TESC: variants seen among roughly 807,000 people sequenced by gnomAD.
TESC encodes calcineurin B homologous protein 3.
In TESC, 19 loss-of-function variants were observed where a neutral mutation model predicts 31.0. That is an observed-to-expected ratio of 0.61 (90% CI 0.43 to 0.90). The LOEUF (loss-of-function observed/expected upper bound fraction) is 0.90, where lower values mean the gene tolerates loss of function less well. Ranked by LOEUF, TESC falls within the 40% of genes least tolerant of loss-of-function variation. The pLI, the probability that TESC is intolerant of heterozygous loss-of-function variation, is 0.00. For synonymous variants in TESC, 109 were observed against 114.8 expected (o/e 0.95, Z 0.32); for missense variants, 248 against 303.8 (o/e 0.82, Z 1.36).
intron 3 of TESC, among the ~76,000 whole-genome samples, chr12:117,052,936 G>A (rs1014715093): frequency 3.8e-5 from 5 of 133,244 alleles, no homozygotes; most frequent in Non-Finnish European, 1.6e-5. Flanking sequence ...CACCCTCCTG[G>A]GGCCTCCCCA....
chr12:117,062,793 G>A (rs933133011), intron 2 of TESC, among the ~76,000 whole-genome samples: 9 of 152,210 alleles, frequency 5.9e-5, no homozygotes, highest in Non-Finnish European at 1.0e-4. Flanking sequence ...GGTCCCCGCC[G>A]GGCTGGATGA....
rs188196669 is a variant in TESC at position 117,064,165 on chromosome 12, C to A, written c.129-7279G>T. On this transcript the variant is annotated intron_variant, in intron 2 of 7. Transcript: ENST00000335209. ...CGCCTGGGCTCAAGTGATCCTCCCGCCTTGGCCTCCCAAAGTGCTGGCATT... is the reference window on the plus strand; with the variant it reads ...CGCCTGGGCTCAAGTGATCCTCCCGACTTGGCCTCCCAAAGTGCTGGCATT... Among the ~76,000 whole-genome samples the A allele has an allele frequency of 2.1e-3, 319 of 152,304 alleles. 3 individuals carry two copies. The highest frequency in any genetic ancestry group is 7.3e-3 in the African/African-American group (304 of 41,560).
At chr12:117,088,409 AG>A (rs1955249846) in intron 1 of TESC, among the ~76,000 whole-genome samples, 1 of 152,196 alleles carries the variant, frequency 6.6e-6, no homozygotes, top group African/African-American at 2.4e-5. Flanking sequence ...GGCCGGGCAC[AG>A]TGGCTCATGC....
chr12:117,078,220 C>A (rs942284613), intron 1 of TESC, among the ~76,000 whole-genome samples: 36 of 152,316 alleles, frequency 2.4e-4, no homozygotes, highest in African/African-American at 8.7e-4. Context: ...GGAATCCCAG[C>A]ACTTTGGGAG....
chr12:117,069,795 T>C (rs1954939651), intron 2 of TESC, among the ~76,000 whole-genome samples: 1 of 152,230 alleles, frequency 6.6e-6, no homozygotes. Context: ...CATTTAGAAA[T>C]CCAGTTCTTC....
chr12:117,052,647 T>C (rs570694670), intron 3 of TESC, among the ~76,000 whole-genome samples: 31 of 152,216 alleles, frequency 2.0e-4, no homozygotes, highest in African/African-American at 7.5e-4. Flanking sequence ...CCTCCACTTC[T>C]AGCTCAGCCC....
chr12:117,065,420 C>A (rs1954863259), intron 2 of TESC, among the ~76,000 whole-genome samples: 1 of 152,188 alleles, frequency 6.6e-6, no homozygotes, highest in Non-Finnish European at 1.5e-5. Context: ...GTGACCACTG[C>A]AGGGAACTGT....
At chr12:117,043,531 C>T (rs1954515303) in intron 6 of TESC, among the ~76,000 whole-genome samples, 1 of 152,198 alleles carries the variant, frequency 6.6e-6, no homozygotes, top group Non-Finnish European at 1.5e-5. Flanking sequence ...GCGATCTTGG[C>T]TCACTGTGAC....
chr12:117,073,817 C>T (rs1225169440), intron 2 of TESC, among the ~76,000 whole-genome samples: 4 of 152,132 alleles, frequency 2.6e-5, no homozygotes, highest in Non-Finnish European at 5.9e-5. Context: ...AAGCAGCACT[C>T]GCTTGTAATC....
At position 117,099,410 on chromosome 12, in the gene TESC, G is replaced by GC; in HGVS notation, c.-129_-128insG. ...GACGCCGGCGAAGGCTCGGAGCCGC[G>GC]GGTTCCGCGTGGGGCCGGAGCGGGG... On this transcript the variant is annotated 5_prime_UTR_variant, in exon 1 of 8. Transcript: ENST00000335209. 1 of 952,672 alleles carries GC rather than the reference G, an allele frequency of 1.0e-6. No individual in the cohort carries two copies. The highest frequency in any genetic ancestry group is 1.4e-6 in the Non-Finnish European group (1 of 727,684). 59.0% of individuals were successfully genotyped at this position (952,672 alleles called of 1,614,324 possible).
chr12:117,057,649 A>G (rs905915843), intron 2 of TESC, among the ~76,000 whole-genome samples: 35 of 152,212 alleles, frequency 2.3e-4, no homozygotes, highest in African/African-American at 8.0e-4. Context: ...CCCAAGAGAA[A>G]TAAAAACCTG....
chr12:117,066,413 C>T (rs1222220522), intron 2 of TESC, among the ~76,000 whole-genome samples: 2 of 149,890 alleles, frequency 1.3e-5, no homozygotes, highest in Admixed American at 6.6e-5. Context: ...ACTGTGTTGC[C>T]CAGGCTGGAG....
chr12:117,075,087 A>G (rs1234647897), intron 2 of TESC, among the ~76,000 whole-genome samples, 184 bp downstream of exon 2: 1 of 152,222 alleles, frequency 6.6e-6, no homozygotes, highest in Non-Finnish European at 1.5e-5. Context: ...CAGAGCTTGC[A>G]GTGAGCCGAG....
Position 117,042,831 on chromosome 12 carries a change from G to T in TESC, c.520-837C>A, listed in dbSNP as rs568969508. Among the ~76,000 whole-genome samples, 96 of 152,304 alleles carry T rather than the reference G, an allele frequency of 6.3e-4. 3 individuals are homozygous for T. The South Asian group carries it at 0.02, about 31-fold the overall frequency. On this transcript the variant is annotated intron_variant, in intron 6 of 7. Transcript: ENST00000335209. Reference sequence around the variant, plus strand: ...AGGGACATAAATCTCGGTCATCCACGCTATTGATTCCCACGCAACCATTAA... The same window carrying T: ...AGGGACATAAATCTCGGTCATCCACTCTATTGATTCCCACGCAACCATTAA...
chr12:117,074,252 C>T (rs1010439875), intron 2 of TESC, among the ~76,000 whole-genome samples: 1 of 152,028 alleles, frequency 6.6e-6, no homozygotes, highest in African/African-American at 2.4e-5. Flanking sequence ...CCTGTGGTCC[C>T]AGCTGCTTGG....
chr12:117,083,479 G>A (rs1955176420), intron 1 of TESC, among the ~76,000 whole-genome samples: 1 of 151,612 alleles, frequency 6.6e-6, no homozygotes, highest in East Asian at 1.9e-4. Context: ...CCAAGAGGTG[G>A]AAACAATCCA....
At position 117,086,577 on chromosome 12, in the gene TESC, T is replaced by C. The variant is rs147941080; in HGVS notation, c.59-11237A>G. Among the ~76,000 whole-genome samples the C allele has an allele frequency of 2.0e-3, 311 of 151,848 alleles. 1 individual carries two copies. The highest frequency in any genetic ancestry group is 7.1e-3 in the African/African-American group (295 of 41,384). ...CCTCCCGAGTAGCTGGGACTACAGG[T>C]GCACACCACAGCACCCAGCTAATTT... On this transcript the variant is annotated intron_variant, in intron 1 of 7. Transcript: ENST00000335209.
intron 4 of TESC, 67 bp downstream of exon 4, chr12:117,048,952 G>A (rs564647990): frequency 2.2e-5 from 35 of 1,609,588 alleles, no homozygotes; most frequent in African/African-American, 2.7e-5. Flanking sequence ...GGCGCCTTGC[G>A]TTCTGAGGTC....
intron 1 of TESC, among the ~76,000 whole-genome samples, chr12:117,093,806 T>G (rs1217040361): frequency 6.6e-6 from 1 of 151,630 alleles, no homozygotes; most frequent in Non-Finnish European, 1.5e-5. Context: ...TTCCTTTTCC[T>G]TCTGGCAGCT....
Sources: gnomAD v4.1 joint callset for allele counts (sites outside exome capture counted in the v4.1 genomes callset) on GRCh38, gnomAD v4.1.1 for gene constraint, MANE v1.5 for transcripts, NCBI Gene and HGNC (gene_info 2026-07-23, HGNC 2026-07-21) for gene names.